RBM26: variants seen among roughly 807,000 people sequenced by gnomAD.
The protein encoded by RBM26 is RNA-binding protein 26.
In RBM26, 30 loss-of-function variants were observed where a neutral mutation model predicts 123.6. The observed-to-expected ratio is 0.24, with a 90% CI of 0.18 to 0.33. RBM26 has a LOEUF of 0.33. RBM26 is among the 10% of genes least tolerant of loss of function. RBM26 has a pLI of 1.00. For synonymous variants in RBM26, 400 were observed against 404.4 expected (o/e 0.99, Z 0.13); for missense variants, 947 against 1,203.6 (o/e 0.79, Z 3.15).
At chr13:79,389,235 T>G (rs902872872) in intron 1 of RBM26, among the ~76,000 whole-genome samples, 5 of 152,148 alleles carry the variant, frequency 3.3e-5, no homozygotes, top group African/African-American at 1.2e-4. Context: ...ATGCAATACA[T>G]AACATCATAA....
In RBM26 at chr13:79,387,884, T is replaced by G. The variant is rs1444424225; in HGVS notation, c.72-8977A>C. ...TAAATTGCCAGACCTATATAATTTC[T>G]GTACATTGTTTCTACCACTGTTACA... On this transcript the variant is annotated intron_variant, in intron 1 of 21. Transcript: ENST00000438737. Among the ~76,000 whole-genome samples the G allele has an allele frequency of 3.3e-5, 5 of 152,350 alleles. No homozygotes were observed. The East Asian group carries it at 9.6e-4, about 29-fold the overall frequency.
chr13:79,320,046 T>A lies in RBM26; in HGVS notation c.*575A>T. ...CACTTTATTATAACATCTGGATGCATAAGGACTCATGTAAAGCAGTCATAC... is the reference window on the plus strand; with the variant it reads ...CACTTTATTATAACATCTGGATGCAAAAGGACTCATGTAAAGCAGTCATAC... On this transcript the variant is annotated 3_prime_UTR_variant, in exon 22 of 22. Transcript: ENST00000438737. 1 of 970,728 alleles carries A rather than the reference T, an allele frequency of 1.0e-6. No homozygotes were observed. Among genetic ancestry groups the A allele is most frequent in the Non-Finnish European group, 1.2e-6 (1 of 821,524 alleles). 60.1% of individuals were successfully genotyped at this position (970,728 alleles called of 1,614,324 possible).
Position 79,368,737 on chromosome 13 carries a change from G to A in RBM26, c.888C>T (p.Asp296=). ...RPPMPKKRCR[D]YDEKGFCMRG... ...AACAGCTGAAAGACTTACCATCATA[G>A]TCTCTACACCGTTTCTTTGGCATGG... Residue 296 remains aspartate, a synonymous_variant, in exon 6 of 22, where the codon GAC becomes GAT. Coordinates refer to ENST00000438737, the MANE Select transcript of RBM26 (RefSeq NM_001366735.2). The A allele has an allele frequency of 6.2e-7, 1 of 1,613,300 alleles. No homozygotes were observed. Among genetic ancestry groups the A allele is most frequent in the Non-Finnish European group, 8.5e-7 (1 of 1,179,474 alleles).
chr13:79,397,838 A>G (rs2078726569), intron 1 of RBM26, among the ~76,000 whole-genome samples: 1 of 152,124 alleles, frequency 6.6e-6, no homozygotes, highest in South Asian at 2.1e-4. Flanking sequence ...CAACGTCAAT[A>G]TACAAATATA....
At chr13:79,379,752 T>C (rs1447871910) in intron 1 of RBM26, among the ~76,000 whole-genome samples, 1 of 149,976 alleles carries the variant, frequency 6.7e-6, no homozygotes, top group African/African-American at 2.4e-5. Flanking sequence ...CAAGCTCAGT[T>C]TATCTCATCA....
chr13:79,393,459 G>A (rs2078274080), intron 1 of RBM26, among the ~76,000 whole-genome samples: 1 of 152,074 alleles, frequency 6.6e-6, no homozygotes. Context: ...TGTCTCCTCG[G>A]TCGAATTCTT....
intron 12 of RBM26, 27 bp downstream of exon 12, chr13:79,355,193 G>A (rs1327120668): frequency 1.2e-5 from 20 of 1,606,152 alleles, no homozygotes; most frequent in East Asian, 2.2e-5. Flanking sequence ...AGAAATGCGC[G>A]TACTTTTACA....
intron 1 of RBM26, among the ~76,000 whole-genome samples, chr13:79,404,219 C>G (rs1309728812): frequency 6.6e-6 from 1 of 152,128 alleles, no homozygotes. Context: ...CTGTTCTCTG[C>G]CTTCTCTAAT....
chr13:79,317,441 GC>G (rs2067257578), downstream of RBM26, among the ~76,000 whole-genome samples: 1 of 151,648 alleles, frequency 6.6e-6, no homozygotes, highest in South Asian at 2.1e-4. Flanking sequence ...CAAGGAAACA[GC>G]CCTGGATAAG....
chr13:79,353,917 A>G lies in RBM26; in HGVS notation c.1986+522T>C, dbSNP rs1397491067. On this transcript the variant is annotated intron_variant, in intron 13 of 21. Transcript: ENST00000438737. ...GGGAAGGAAATGATATATGGAGAAA[A>G]GAATCCCAGAGTCAGGAATAAGTGA... 9.2e-5 allele frequency among the ~76,000 whole-genome samples: 14 copies of G among 152,208 alleles called. No individual in the cohort carries two copies. The East Asian group carries it at 2.3e-3, about 25-fold the overall frequency.
At chr13:79,360,539 G>A (rs2139710985) in intron 9 of RBM26, among the ~76,000 whole-genome samples, 1 of 151,832 alleles carries the variant, frequency 6.6e-6, no homozygotes, top group South Asian at 2.1e-4. Flanking sequence ...TCACTTTGAG[G>A]CTTTAAGTTC....
chr13:79,316,371 C>T (rs1012963865), downstream of RBM26, among the ~76,000 whole-genome samples: 1 of 150,032 alleles, frequency 6.7e-6, no homozygotes, highest in African/African-American at 2.5e-5. Context: ...AGTGATATTT[C>T]AACATGCCAA....
chr13:79,384,686 C>T (rs1476201900), intron 1 of RBM26, among the ~76,000 whole-genome samples: 7 of 152,068 alleles, frequency 4.6e-5, no homozygotes, highest in Admixed American at 3.3e-4. Flanking sequence ...GAGGGAAGTA[C>T]ACACACTAAA....
At chr13:79,372,236 G>A (rs977093371) in intron 3 of RBM26, among the ~76,000 whole-genome samples, 18 of 152,142 alleles carry the variant, frequency 1.2e-4, no homozygotes, top group African/African-American at 3.4e-4. Flanking sequence ...CTGAGATCGC[G>A]CCAGTGCACA....
intron 20 of RBM26, among the ~76,000 whole-genome samples, chr13:79,323,229 A>T (rs968672374): frequency 1.7e-5 from 2 of 117,278 alleles, no homozygotes; most frequent in African/African-American, 6.7e-5. Context: ...AATCAGTGTT[A>T]GCAACATATT....
At chr13:79,374,916 A>C (rs1444023707) in intron 3 of RBM26, among the ~76,000 whole-genome samples, 1 of 151,456 alleles carries the variant, frequency 6.6e-6, no homozygotes, top group Non-Finnish European at 1.5e-5. Context: ...AATAAGACTA[A>C]GGCTTTGCTA....
intron 3 of RBM26, among the ~76,000 whole-genome samples, chr13:79,375,434 G>C (rs2076596684): frequency 1.3e-5 from 2 of 151,898 alleles, no homozygotes; most frequent in Non-Finnish European, 2.9e-5. Flanking sequence ...GCCTCCCAAA[G>C]TGCTGGAATT....
intron 1 of RBM26, chr13:79,389,724 G>A (rs555259811): frequency 6.6e-6 from 1 of 152,310 alleles, no homozygotes; most frequent in South Asian, 2.1e-4. Flanking sequence ...GAAACGTAAA[G>A]AGGATTTTGC....
In RBM26 at chr13:79,374,161, TCTGA is replaced by T. The variant is rs199736221; in HGVS notation, c.328-2235_328-2232del. Among the ~76,000 whole-genome samples the T allele has an allele frequency of 4.5e-3, 689 of 152,170 alleles. 21 individuals are homozygous for T. Among genetic ancestry groups the T allele is most frequent in the East Asian group, 8.1e-3 (42 of 5,172 alleles). On this transcript the variant is annotated intron_variant, in intron 3 of 21. Transcript: ENST00000438737. The stretch of plus-strand genomic sequence containing the variant: ...TTCCAGCATCCTTTTGATAAGGGCT[TCTGA>T]CTGTCAGAATGTACCACTTTATGCT...
Sources: gnomAD v4.1 joint callset for allele counts (sites outside exome capture counted in the v4.1 genomes callset) on GRCh38, gnomAD v4.1.1 for gene constraint, MANE v1.5 for transcripts, NCBI Gene and HGNC (gene_info 2026-07-23, HGNC 2026-07-21) for gene names.